NRXN1: variants seen among roughly 807,000 people sequenced by gnomAD.
The protein encoded by NRXN1 is neurexin-1.
In NRXN1, 39 loss-of-function variants were observed where a neutral mutation model predicts 150.9. The ratio of observed to expected loss-of-function variants is 0.26; its 90% CI spans 0.20 to 0.34. The LOEUF (loss-of-function observed/expected upper bound fraction) is 0.34. Among genes scored for constraint, NRXN1 ranks in the 10% least tolerant of loss-of-function variants. NRXN1 has a pLI of 1.00. For missense variants in NRXN1, 1,815 were observed against 1,949.9 expected (o/e 0.93, Z 1.30); for synonymous variants, 924 against 757.0 (o/e 1.22, Z -3.62).
At chr2:50,820,051 C>G (rs191478227) in intron 5 of NRXN1, among the ~76,000 whole-genome samples, 111 of 152,150 alleles carry the variant, frequency 7.3e-4, no homozygotes, top group Admixed American at 1.8e-3. Flanking sequence ...TAAGCATGGA[C>G]TAACCAGGAC....
chr2:50,727,995 G>A (rs1435315327), intron 5 of NRXN1, among the ~76,000 whole-genome samples: 24 of 152,094 alleles, frequency 1.6e-4, no homozygotes, highest in Non-Finnish European at 1.5e-5. Context: ...GTGGAAAACT[G>A]TCACAACATA....
intron 21 of NRXN1, among the ~76,000 whole-genome samples, chr2:49,982,688 G>A (rs572483491): frequency 6.6e-6 from 1 of 152,162 alleles, no homozygotes; most frequent in East Asian, 1.9e-4. Flanking sequence ...AATTATTCTA[G>A]TAGCAAAAGA....
At chr2:50,829,261 G>T (rs1468503117) in intron 5 of NRXN1, among the ~76,000 whole-genome samples, 1 of 111,606 alleles carries the variant, frequency 9.0e-6, no homozygotes, top group East Asian at 2.4e-4. Context: ...GGAGACCGTG[G>T]GGAGAGGGAG....
chr2:50,040,629 T>C (rs908140020), intron 21 of NRXN1, among the ~76,000 whole-genome samples: 1 of 152,084 alleles, frequency 6.6e-6, no homozygotes, highest in African/African-American at 2.4e-5. Flanking sequence ...GTTGCTTTTT[T>C]ATATACCATC....
chr2:50,817,797 C>T (rs966433398), intron 5 of NRXN1, among the ~76,000 whole-genome samples: 7 of 151,862 alleles, frequency 4.6e-5, no homozygotes, highest in African/African-American at 1.7e-4. Context: ...TTACTAAATT[C>T]AACCCCTTTT....
At chr2:50,413,304 A>C (rs2083316659) in intron 17 of NRXN1, among the ~76,000 whole-genome samples, 1 of 152,248 alleles carries the variant, frequency 6.6e-6, no homozygotes, top group Non-Finnish European at 1.5e-5. Context: ...AAAAGAAGAC[A>C]TACAAATGGC....
chr2:50,233,781 G>A, intron 18 of NRXN1, among the ~76,000 whole-genome samples: 1 of 151,968 alleles, frequency 6.6e-6, no homozygotes, highest in Middle Eastern at 3.4e-3. Context: ...TAAATCATAA[G>A]CAATAATCTA....
chr2:50,582,532 AG>A (rs1672437351), intron 8 of NRXN1, among the ~76,000 whole-genome samples: 1 of 151,644 alleles, frequency 6.6e-6, no homozygotes, highest in African/African-American at 2.4e-5. Flanking sequence ...GAAAGAAAAC[AG>A]AAGAGAATAA....
In NRXN1 at chr2:50,119,032, A is replaced by G. The variant is rs554056114; in HGVS notation, c.3547-27538T>C. The stretch of plus-strand genomic sequence containing the variant: ...ATTGCTGATAAAGCTTTACATTTAC[A>G]TTGGCCAGTAGACTAGAACAGATTC... On this transcript the variant is annotated intron_variant, in intron 18 of 22. Transcript: ENST00000401669. Among the ~76,000 whole-genome samples, 4 of 150,992 alleles carry G rather than the reference A, an allele frequency of 2.6e-5. No homozygotes were observed. The South Asian group carries it at 8.3e-4, about 31-fold the overall frequency.
At chr2:50,812,171 C>T (rs754592760) in intron 5 of NRXN1, among the ~76,000 whole-genome samples, 18 of 152,142 alleles carry the variant, frequency 1.2e-4, no homozygotes, top group East Asian at 1.9e-4. Flanking sequence ...AATTACATTG[C>T]TTAATGAATC....
chr2:50,014,856 T>C (rs1057010599), intron 21 of NRXN1, among the ~76,000 whole-genome samples: 1 of 152,146 alleles, frequency 6.6e-6, no homozygotes, highest in South Asian at 2.1e-4. Context: ...TAGCCCAGTG[T>C]AGTAAGTCTC....
At chr2:49,924,047 C>A (rs1159519486) in intron 22 of NRXN1, among the ~76,000 whole-genome samples, 7 of 152,208 alleles carry the variant, frequency 4.6e-5, no homozygotes, top group Admixed American at 4.6e-4. Context: ...AACTCTGTCA[C>A]TACCTGACAA....
At chr2:50,820,011 C>A (rs762837272) in intron 5 of NRXN1, among the ~76,000 whole-genome samples, 20 of 152,048 alleles carry the variant, frequency 1.3e-4, no homozygotes, top group Non-Finnish European at 2.5e-4. Flanking sequence ...GGTTACAGGT[C>A]ACTTTTTCCT....
At chr2:50,633,870 A>C (rs1408243869) in intron 5 of NRXN1, among the ~76,000 whole-genome samples, 1 of 152,148 alleles carries the variant, frequency 6.6e-6, no homozygotes, top group Admixed American at 6.6e-5. Context: ...AGCAAGCAAA[A>C]GAGTGCAATG....
At chr2:50,354,782 G>A (rs1260689211) in intron 17 of NRXN1, among the ~76,000 whole-genome samples, 1 of 151,710 alleles carries the variant, frequency 6.6e-6, no homozygotes, top group Non-Finnish European at 1.5e-5. Flanking sequence ...TCCAGGTCTG[G>A]GCATATTAGG....
chr2:50,770,465 T>A (rs970000585), intron 5 of NRXN1, among the ~76,000 whole-genome samples: 1 of 151,950 alleles, frequency 6.6e-6, no homozygotes, highest in Non-Finnish European at 1.5e-5. Context: ...TACAGTTACA[T>A]TGGACTAAGG....
intron 18 of NRXN1, among the ~76,000 whole-genome samples, chr2:50,098,351 G>A (rs1700515548): frequency 6.6e-6 from 1 of 152,042 alleles, no homozygotes; most frequent in South Asian, 2.1e-4. Flanking sequence ...AGGGAGTGGT[G>A]GGGAAAAGCA....
chr2:50,978,798 C>T (rs991690133), intron 2 of NRXN1, among the ~76,000 whole-genome samples: 1 of 151,982 alleles, frequency 6.6e-6, no homozygotes, highest in African/African-American at 2.4e-5. Context: ...AGAAAACATG[C>T]ATAATGATTA....
Position 50,910,784 on chromosome 2 carries a change from T to A in NRXN1, c.832+11085A>T, listed in dbSNP as rs187644429. Among the ~76,000 whole-genome samples, 1,176 of 152,014 alleles carry A rather than the reference T, an allele frequency of 7.7e-3. 12 individuals carry two copies. Among genetic ancestry groups the A allele is most frequent in the Non-Finnish European group, 9.1e-3 (621 of 67,914 alleles). ...AGTGCCAGTGTGCGCAATGACTGAA[T>A]ATATACTGCTAACAGCTAATCTTTG... On this transcript the variant is annotated intron_variant, in intron 5 of 22. Coordinates refer to ENST00000401669, the MANE Select transcript of NRXN1 (RefSeq NM_001330078.2).
Sources: allele counts gnomAD v4.1 joint callset (sites outside exome capture counted in the v4.1 genomes callset), GRCh38; gene constraint gnomAD v4.1.1; transcripts MANE v1.5; gene names NCBI Gene and HGNC (gene_info 2026-07-23, HGNC 2026-07-21).